Variants in FRS2 observed in about 807,000 individuals in gnomAD.
The protein encoded by FRS2 is fibroblast growth factor receptor substrate 2.
Under a neutral mutation model 43.9 loss-of-function variants are expected in FRS2, and 8 were observed. That is an observed-to-expected ratio of 0.18 (90% CI 0.11 to 0.33). The LOEUF (loss-of-function observed/expected upper bound fraction) is 0.33. Among genes scored for constraint, FRS2 ranks in the 10% least tolerant of loss-of-function variants. The pLI, the probability that FRS2 is intolerant of heterozygous loss-of-function variation, is 1.00. For synonymous variants in FRS2, 219 were observed against 220.3 expected (o/e 0.99, Z 0.05); for missense variants, 534 against 627.6 (o/e 0.85, Z 1.59).
rs938965944 is a variant in FRS2, at chr12:69,551,353, A to AAAAC, written c.-121-10810_-121-10807dup. 2.5e-4 allele frequency among the ~76,000 whole-genome samples: 34 copies of AAAAC among 136,086 alleles called. 1 individual carries two copies. Among genetic ancestry groups the AAAAC allele is most frequent in the East Asian group, 1.8e-3 (9 of 4,944 alleles). 89.3% of individuals were successfully genotyped at this position (136,086 alleles called of 152,430 possible). A position where few individuals can be genotyped will look rare whatever the true frequency, so the allele number is the denominator to read the frequency against. On this transcript the variant is annotated intron_variant, in intron 3 of 8. Coordinates refer to ENST00000549921, the MANE Select transcript of FRS2 (RefSeq NM_001278356.2). ...GGGCAATGGAGCGAGACCCTGTCTC[A>AAAAC]AAACAAACAAACAAACAAACCCAAC...
At chr12:69,498,065 T>G (rs1427347275) in intron 1 of FRS2, among the ~76,000 whole-genome samples, 2 of 152,246 alleles carry the variant, frequency 1.3e-5, no homozygotes, top group African/African-American at 4.8e-5. Context: ...AACTTGCTAT[T>G]TTCTCTCATT....
At chr12:69,553,135 A>G (rs1279110847) in intron 3 of FRS2, among the ~76,000 whole-genome samples, 2 of 152,096 alleles carry the variant, frequency 1.3e-5, no homozygotes, top group East Asian at 1.9e-4. Flanking sequence ...GCAGTGGCAC[A>G]ATCTCGGCTC....
intron 3 of FRS2, among the ~76,000 whole-genome samples, chr12:69,547,485 A>G (rs146764988): frequency 1.9e-3 from 291 of 152,250 alleles, no homozygotes; most frequent in African/African-American, 6.6e-3. Flanking sequence ...GAATTACGAG[A>G]TGGATGATGG....
intron 1 of FRS2, chr12:69,491,632 G>A (rs916877637): frequency 6.7e-6 from 1 of 150,294 alleles, no homozygotes; most frequent in African/African-American, 2.5e-5. Context: ...TCCCAAGTAG[G>A]TAGGACCACA....
At chr12:69,530,205 A>G (rs1461681165) in intron 1 of FRS2, among the ~76,000 whole-genome samples, 1 of 151,530 alleles carries the variant, frequency 6.6e-6, no homozygotes, top group African/African-American at 2.4e-5. Context: ...AATGATAATA[A>G]TTGTTTATAA....
chr12:69,551,030 T>C (rs1234481456), intron 3 of FRS2, among the ~76,000 whole-genome samples: 1 of 152,184 alleles, frequency 6.6e-6, no homozygotes, highest in Non-Finnish European at 1.5e-5. Flanking sequence ...ATTTGTTCTC[T>C]TCACATGTGT....
At position 69,579,343 on chromosome 12, in the gene FRS2, T is replaced by A. The variant is rs1000029367; in HGVS notation, c.*4388T>A. ...TTTTAAGGACAAGTGTGAATGTGCT[T>A]TTTAAGCTTAATTTTTGTCATGACA... On this transcript the variant is annotated 3_prime_UTR_variant, in exon 9 of 9. Transcript: ENST00000549921. 1 of 152,660 alleles carries A rather than the reference T, an allele frequency of 6.6e-6. No homozygotes were observed. The highest frequency in any genetic ancestry group is 2.4e-5 in the African/African-American group (1 of 41,468). The allele number at this position is 152,660 out of a possible 1,614,324, so 9.5% of individuals were successfully genotyped here. A position where few individuals can be genotyped will look rare whatever the true frequency, so the allele number is the denominator to read the frequency against.
In FRS2 at chr12:69,495,387, TG is replaced by T. The variant is rs370168440; in HGVS notation, c.-261+24860del. 5.9e-5 allele frequency among the ~76,000 whole-genome samples: 9 copies of T among 152,382 alleles called. No homozygotes were observed. The East Asian group carries it at 1.5e-3, about 26-fold the overall frequency. On this transcript the variant is annotated intron_variant, in intron 1 of 8. Coordinates refer to ENST00000549921, the MANE Select transcript of FRS2 (RefSeq NM_001278356.2). ...ATATACTCAGCTTACTCATGCCTGG[TG>T]GGCCTAGCATTTAGCTGCTAGTCTT...
intron 3 of FRS2, among the ~76,000 whole-genome samples, chr12:69,536,579 A>ATTT (rs5798939): frequency 4.5e-5 from 6 of 134,260 alleles, no homozygotes; most frequent in Non-Finnish European, 4.8e-5. Context: ...TTTTTTTTTA[A>ATTT]TTTTTTTTTT....
chr12:69,500,021 C>G (rs905727729), intron 1 of FRS2, among the ~76,000 whole-genome samples: 1 of 152,062 alleles, frequency 6.6e-6, no homozygotes, highest in African/African-American at 2.4e-5. Flanking sequence ...TCCTTAATAT[C>G]TTTAAATGAC....
Position 69,536,101 on chromosome 12 carries a change from C to CTTTT in FRS2, c.-122+4082_-122+4085dup, listed in dbSNP as rs71094720. ...TTTTGGTTACTGTAGTATTTTCATTCTTTTTTTTTTTTTTTTTTTTTTTTT... is the reference window on the plus strand; with the variant it reads ...TTTTGGTTACTGTAGTATTTTCATTCTTTTTTTTTTTTTTTTTTTTTTTTTTTTT... On this transcript the variant is annotated intron_variant, in intron 3 of 8. Coordinates refer to ENST00000549921, the MANE Select transcript of FRS2 (RefSeq NM_001278356.2). Among the ~76,000 whole-genome samples, 21 of 37,202 alleles carry CTTTT rather than the reference C, an allele frequency of 5.6e-4. 1 individual carries two copies. The highest frequency in any genetic ancestry group is 1.0e-3 in the Non-Finnish European group (19 of 18,812). 24.4% of individuals were successfully genotyped at this position (37,202 alleles called of 152,430 possible).
At position 69,571,370 on chromosome 12, in the gene FRS2, A is replaced by G; in HGVS notation, c.348A>G (p.Pro116=). 6.2e-7 allele frequency: 1 copy of G among 1,612,222 alleles called. No homozygotes were observed. Among genetic ancestry groups the G allele is most frequent in the Non-Finnish European group, 8.5e-7 (1 of 1,178,458 alleles). ...ATAGTATAAATGTGGTGGAAGAGCCAGTTGTAGAAAGAAATAATCATCAGA... is the reference window on the plus strand; with the variant it reads ...ATAGTATAAATGTGGTGGAAGAGCCGGTTGTAGAAAGAAATAATCATCAGA... ...QNNSINVVEE[P]VVERNNHQTE... The change falls in exon 7 of 9, where the codon CCA becomes CCG. Residue 116 remains proline, a synonymous_variant. Transcript: ENST00000549921.
intron 3 of FRS2, among the ~76,000 whole-genome samples, chr12:69,552,696 A>G (rs185799083): frequency 1.1e-4 from 16 of 152,312 alleles, no homozygotes; most frequent in African/African-American, 3.6e-4. Context: ...GTTCAAGACC[A>G]GCCTGGACAA....
At chr12:69,492,504 A>T (rs539626183) in intron 1 of FRS2, among the ~76,000 whole-genome samples, 1 of 152,238 alleles carries the variant, frequency 6.6e-6, no homozygotes, top group East Asian at 1.9e-4. Context: ...AATGGAATGG[A>T]AAAGAAGATT....
chr12:69,555,032 T>A (rs1026154813), intron 3 of FRS2, among the ~76,000 whole-genome samples: 5 of 151,330 alleles, frequency 3.3e-5, no homozygotes, highest in African/African-American at 1.2e-4. Flanking sequence ...TTAATAATAT[T>A]TTTTTTTACC....
Position 69,470,512 on chromosome 12 carries a change from C to G in FRS2, c.-279C>G. On this transcript the variant is annotated 5_prime_UTR_variant, in exon 1 of 9. Coordinates refer to ENST00000549921, the MANE Select transcript of FRS2 (RefSeq NM_001278356.2). Reference sequence around the variant, plus strand: ...CCCGCCGACCCGCGCCCTGCTCCCTCTCAGCACCTGGGCGGACGGTGAGTG... The same window carrying G: ...CCCGCCGACCCGCGCCCTGCTCCCTGTCAGCACCTGGGCGGACGGTGAGTG... 2.5e-6 allele frequency: 1 copy of G among 398,706 alleles called. No individual in the cohort carries two copies. The highest frequency in any genetic ancestry group is 3.6e-5 in the East Asian group (1 of 28,066). 24.7% of individuals were successfully genotyped at this position (398,706 alleles called of 1,614,324 possible).
At chr12:69,564,787 T>G (rs1880149545) in intron 4 of FRS2, among the ~76,000 whole-genome samples, 1 of 152,246 alleles carries the variant, frequency 6.6e-6, no homozygotes, top group Non-Finnish European at 1.5e-5. Flanking sequence ...TAAAATGCAC[T>G]TCTGACCGTC....
intron 3 of FRS2, among the ~76,000 whole-genome samples, chr12:69,539,043 T>G (rs185638591): frequency 1.6e-4 from 24 of 152,272 alleles, no homozygotes; most frequent in Admixed American, 1.5e-3. Flanking sequence ...TCCTAAATGC[T>G]TGGGATCAGA....
chr12:69,507,235 T>C (rs900150438), intron 1 of FRS2, among the ~76,000 whole-genome samples: 1 of 152,214 alleles, frequency 6.6e-6, no homozygotes, highest in African/African-American at 2.4e-5. Context: ...TCAAACTCCT[T>C]GAGTGCAGGA....
Sources: gnomAD v4.1 joint callset for allele counts (sites outside exome capture counted in the v4.1 genomes callset) on GRCh38, gnomAD v4.1.1 for gene constraint, MANE v1.5 for transcripts, NCBI Gene and HGNC (gene_info 2026-07-23, HGNC 2026-07-21) for gene names.